Variants in NAALADL2 observed in about 807,000 individuals in gnomAD.
NAALADL2 encodes the protein inactive N-acetylated-alpha-linked acidic dipeptidase-like protein 2.
A neutral mutation model predicts 87.2 loss-of-function variants in NAALADL2; 76 were observed. That is an observed-to-expected ratio of 0.87 (90% confidence interval 0.72 to 1.05). The LOEUF is 1.05. Among genes scored for constraint, NAALADL2 ranks in the 50% least tolerant of loss-of-function variants. NAALADL2 has a pLI of 0.00. For synonymous variants in NAALADL2, 354 were observed against 331.0 expected, an observed-to-expected ratio of 1.07 and a Z score of -0.75; for missense variants, 1,089 against 945.8, an observed-to-expected ratio of 1.15 and a Z score of -1.99.
chr3:175,333,145 G>C (rs2110511599), intron 5 of NAALADL2, among the ~76,000 whole-genome samples: 1 of 152,236 alleles, frequency 6.6e-6, no homozygotes, highest in African/African-American at 2.4e-5. Context: ...ACCTCTCTTT[G>C]TGCTGGTACT....
At chr3:175,742,998 T>C (rs545319601) in intron 12 of NAALADL2, among the ~76,000 whole-genome samples, 5 of 148,798 alleles carry the variant, frequency 3.4e-5, no homozygotes, top group Admixed American at 1.3e-4. Context: ...CAATTCCAAA[T>C]CTTTTTTTTT....
intron 1 of NAALADL2, among the ~76,000 whole-genome samples, chr3:174,987,592 A>AC (rs1746091146): frequency 7.0e-6 from 1 of 142,146 alleles, no homozygotes; most frequent in African/African-American, 2.7e-5. Flanking sequence ...AAAAAAAAAA[A>AC]AAAAAACAAT....
intron 11 of NAALADL2, among the ~76,000 whole-genome samples, chr3:175,700,117 C>T (rs192156827): frequency 9.2e-5 from 14 of 152,168 alleles, no homozygotes; most frequent in Non-Finnish European, 1.6e-4. Flanking sequence ...TGAGAGCAGA[C>T]GTTAAAGTAT....
chr3:174,813,781 C>G (rs968268656), intron 3 of NAALADL2, among the ~76,000 whole-genome samples: 8 of 152,148 alleles, frequency 5.3e-5, no homozygotes, highest in African/African-American at 1.9e-4. Context: ...CCTCCTGAAT[C>G]AACCTCTTAA....
intron 2 of NAALADL2, among the ~76,000 whole-genome samples, chr3:175,220,261 T>C (rs1234928036): frequency 6.6e-6 from 1 of 151,976 alleles, no homozygotes; most frequent in Non-Finnish European, 1.5e-5. Flanking sequence ...TTCCATTTTA[T>C]TGATTCTTGC....
intron 10 of NAALADL2, among the ~76,000 whole-genome samples, chr3:175,591,784 GTATATATATATATATATA>G (rs57196350): frequency 0.071 from 9,741 of 137,078 alleles, 567 homozygotes; most frequent in African/African-American, 0.14. Flanking sequence ...GTGTGTGTGT[GTATATATATATATATATA>G]TATATATATA....
At chr3:175,794,617 A>G (rs1054641083) in intron 13 of NAALADL2, among the ~76,000 whole-genome samples, 1 of 152,160 alleles carries the variant, frequency 6.6e-6, no homozygotes, top group African/African-American at 2.4e-5. Flanking sequence ...CTCTTGAAAA[A>G]CAGTGTAGTT....
chr3:175,348,119 T>C (rs1423113602), intron 5 of NAALADL2, among the ~76,000 whole-genome samples: 1 of 152,158 alleles, frequency 6.6e-6, no homozygotes, highest in African/African-American at 2.4e-5. Flanking sequence ...CAGTGTGATC[T>C]TGGCTCACTG....
intron 2 of NAALADL2, among the ~76,000 whole-genome samples, chr3:175,158,808 T>G (rs1303761654): frequency 1.3e-5 from 2 of 151,966 alleles, no homozygotes; most frequent in Non-Finnish European, 2.9e-5. Flanking sequence ...TGTCAGAAAA[T>G]ATGAATAAAG....
intron 11 of NAALADL2, among the ~76,000 whole-genome samples, chr3:175,655,166 CTT>C (rs1441854986): frequency 2.6e-5 from 4 of 152,012 alleles, no homozygotes; most frequent in African/African-American, 7.2e-5. Context: ...GCCATGTACT[CTT>C]TGCATTTGTG....
At chr3:174,671,627 G>A (rs191170988) in intron 2 of NAALADL2, among the ~76,000 whole-genome samples, 7 of 151,994 alleles carry the variant, frequency 4.6e-5, no homozygotes, top group Non-Finnish European at 1.0e-4. Context: ...AATACTATCC[G>A]GGAAAAATCC....
chr3:175,734,864 A>T (rs950282269), intron 11 of NAALADL2, among the ~76,000 whole-genome samples: 3 of 152,188 alleles, frequency 2.0e-5, no homozygotes, highest in African/African-American at 7.2e-5. Context: ...CATGCCCTAG[A>T]GACATTTTCC....
intron 11 of NAALADL2, among the ~76,000 whole-genome samples, chr3:175,632,266 TTCTCTCTCTCTCTCTCTCTCTC>T (rs61458338): frequency 1.9e-4 from 24 of 129,554 alleles, no homozygotes; most frequent in African/African-American, 5.1e-4. Context: ...CACTTTCCCC[TTCTCTCTCTCTCTCTCTCTCTC>T]TCTCTCTCTC....
intron 3 of NAALADL2, among the ~76,000 whole-genome samples, chr3:174,773,020 G>A (rs1197389223): frequency 6.6e-6 from 1 of 152,170 alleles, no homozygotes; most frequent in Admixed American, 6.6e-5. Context: ...TATAGTCTGG[G>A]AATAGTGAGA....
chr3:174,804,261 G>C (rs573952064), intron 3 of NAALADL2, among the ~76,000 whole-genome samples: 22 of 152,018 alleles, frequency 1.4e-4, no homozygotes, highest in Non-Finnish European at 1.9e-4. Context: ...CATGATTTGG[G>C]TCTCTGTTTG....
At chr3:174,831,844 T>C (rs1184527404) in intron 3 of NAALADL2, among the ~76,000 whole-genome samples, 17 of 151,018 alleles carry the variant, frequency 1.1e-4, no homozygotes, top group African/African-American at 3.4e-4. Flanking sequence ...TGGGAGAGTG[T>C]ATGTGTCGAG....
At chr3:175,395,615 T>A (rs186596663) in intron 5 of NAALADL2, among the ~76,000 whole-genome samples, 104 of 152,308 alleles carry the variant, frequency 6.8e-4, no homozygotes, top group African/African-American at 2.4e-3. Flanking sequence ...AATTTCAATA[T>A]GACCACATGC....
intron 2 of NAALADL2, among the ~76,000 whole-genome samples, chr3:174,728,809 C>T (rs906103759): frequency 3.3e-5 from 5 of 151,986 alleles, no homozygotes; most frequent in East Asian, 1.9e-4. Context: ...CAGTTATCCT[C>T]GAAACCACAG....
At chr3:174,638,633 A>G (rs898749079) in intron 2 of NAALADL2, among the ~76,000 whole-genome samples, 2 of 152,144 alleles carry the variant, frequency 1.3e-5, no homozygotes, top group African/African-American at 2.4e-5. Context: ...CACTATGAAT[A>G]TAATCAATTA....
Sources: gnomAD v4.1 joint callset for allele counts (sites outside exome capture counted in the v4.1 genomes callset) on GRCh38, gnomAD v4.1.1 for gene constraint, MANE v1.5 for transcripts, NCBI Gene and HGNC (gene_info 2026-07-23, HGNC 2026-07-21) for gene names.